The following FADS6 variants were observed in gnomAD, a reference collection of about 807,000 sequenced individuals.
FADS6 encodes fatty acid desaturase domain family, member 6.
FADS6 carries 28 observed loss-of-function variants against 31.7 expected under a neutral mutation model. The observed-to-expected ratio is 0.88, with a 90% confidence interval of 0.66 to 1.21. The LOEUF is 1.21. Among genes scored for constraint, FADS6 ranks in the 50% most tolerant of loss-of-function variants. The pLI is 0.00. For synonymous variants in FADS6, 191 were observed against 213.1 expected (o/e 0.90, Z 0.90); for missense variants, 494 against 504.2 (o/e 0.98, Z 0.19).
At chr17:74,881,404 T>G (rs1598555268) in intron 3 of FADS6, 149 bp from the exon 4 acceptor site, 1 of 771,094 alleles carries the variant, frequency 1.3e-6, no homozygotes, top group Non-Finnish European at 2.0e-6. Context: ...ATTGTGTGGA[T>G]GAAGAAACAG....
chr17:74,892,420 C>G (rs568586933), intron 2 of FADS6, 103 bp downstream of exon 2: 1 of 1,404,458 alleles, frequency 7.1e-7, no homozygotes, highest in Non-Finnish European at 9.6e-7. Flanking sequence ...GGCCTGCCCC[C>G]GTGGGCACAT....
At chr17:74,889,267 C>T (rs542922813) in intron 2 of FADS6, among the ~76,000 whole-genome samples, 2 of 152,262 alleles carry the variant, frequency 1.3e-5, no homozygotes, top group East Asian at 3.9e-4. Context: ...AAAAGGAGCC[C>T]AGGGCCTATG....
At chr17:74,888,126 C>G (rs2038643390) in intron 2 of FADS6, among the ~76,000 whole-genome samples, 1 of 127,986 alleles carries the variant, frequency 7.8e-6, no homozygotes. Flanking sequence ...AGCTGAGACA[C>G]CACACACACA....
intron 3 of FADS6, 68 bp from the exon 4 acceptor site, chr17:74,881,323 T>C (rs1403040299): frequency 6.9e-7 from 1 of 1,452,876 alleles, no homozygotes; most frequent in Non-Finnish European, 9.2e-7. Context: ...GGCTCAAGCG[T>C]GCTAAAGCAG....
At chr17:74,884,715 T>TTTTC (rs150082187) in intron 2 of FADS6, among the ~76,000 whole-genome samples, 119,767 of 151,350 alleles carry the variant, frequency 0.79, 47,940 homozygotes, top group African/African-American at 0.91. Context: ...GACCAGATCC[T>TTTTC]TTTTCTTTTT....
At position 74,877,622 on chromosome 17, in the gene FADS6, C is replaced by T. The variant is rs2038519376; in HGVS notation, c.*709G>A. 1.9e-5 allele frequency: 18 copies of T among 936,508 alleles called. No individual in the cohort carries two copies. The South Asian group carries it at 5.9e-4, about 31-fold the overall frequency. The allele number at this position is 936,508 out of a possible 1,614,324, so 58.0% of individuals were successfully genotyped here. On this transcript the variant is annotated 3_prime_UTR_variant, in exon 6 of 6. Transcript: ENST00000612771. ...TGCTGGGATTACAGGCATGAGCCAC[C>T]GCCCCTGGCTGGCTATTTATACTCT...
chr17:74,889,870 CAAAAAA>C (rs59381032), intron 2 of FADS6, among the ~76,000 whole-genome samples: 3 of 53,528 alleles, frequency 5.6e-5, no homozygotes, highest in Non-Finnish European at 9.8e-5. Context: ...GACTCAGTCT[CAAAAAA>C]AAAAAAAAAA....
downstream of FADS6, among the ~76,000 whole-genome samples, chr17:74,874,952 A>G (rs1567922573): frequency 6.6e-6 from 1 of 152,008 alleles, no homozygotes; most frequent in East Asian, 1.9e-4. Flanking sequence ...GAGTTTGACC[A>G]CCCCTGCACT....
In FADS6 at chr17:74,878,015, C is replaced by T; in HGVS notation, c.*316G>A. On this transcript the variant is annotated 3_prime_UTR_variant, in exon 6 of 6. Coordinates refer to ENST00000612771, the MANE Select transcript of FADS6 (RefSeq NM_178128.6). ...TCTTCACCCTGTCACCTCCCTTTAA[C>T]CCTACCAAGGCTCAGATGGAGCAGG... 9.0e-7 allele frequency: 1 copy of T among 1,114,268 alleles called. No individual in the cohort carries two copies. The highest frequency in any genetic ancestry group is 1.1e-6 in the Non-Finnish European group (1 of 910,952). The allele number at this position is 1,114,268 out of a possible 1,614,324, so 69.0% of individuals were successfully genotyped here. A position where few individuals can be genotyped will look rare whatever the true frequency, so the allele number is the denominator to read the frequency against.
Position 74,879,597 on chromosome 17 carries a change from G to T in FADS6, c.781-14C>A, listed in dbSNP as rs116982675. 1.2e-6 allele frequency: 2 copies of T among 1,605,526 alleles called. No homozygotes were observed. Among genetic ancestry groups the T allele is most frequent in the South Asian group, 2.2e-5 (2 of 90,448 alleles). On this transcript the variant is annotated splice_polypyrimidine_tract_variant and intron_variant, in intron 4 of 5. Coordinates refer to ENST00000612771, the MANE Select transcript of FADS6 (RefSeq NM_178128.6). ...CAGTCCGATGTGCTGTGACAGACAC[G>T]TGGGTCACGCCGGGCAGCCTGGACC...
intron 1 of FADS6, among the ~76,000 whole-genome samples, chr17:74,893,022 A>G (rs1441446037): frequency 6.6e-6 from 1 of 151,896 alleles, no homozygotes; most frequent in African/African-American, 2.4e-5. Flanking sequence ...CTAGGTCCCC[A>G]AAGAACACCG....
At chr17:74,878,618 G>A in intron 5 of FADS6, 141 bp from the exon 6 acceptor site, 4 of 1,027,932 alleles carry the variant, frequency 3.9e-6, no homozygotes, top group Non-Finnish European at 4.2e-6. Context: ...GGAGCAGAAG[G>A]GCTTAAGTCA....
intron 2 of FADS6, among the ~76,000 whole-genome samples, chr17:74,888,147 C>CGCGCGCGCGG (rs1567928512): frequency 2.1e-5 from 2 of 93,974 alleles, no homozygotes; most frequent in Non-Finnish European, 4.1e-5. Flanking sequence ...CACACACACA[C>CGCGCGCGCGG]ACACACACGC....
intron 2 of FADS6, among the ~76,000 whole-genome samples, chr17:74,886,136 G>A (rs1200966953): frequency 1.3e-5 from 2 of 152,158 alleles, no homozygotes; most frequent in East Asian, 1.9e-4. Flanking sequence ...CTACTTGGGA[G>A]GCTGAGGCAG....
At chr17:74,878,992 C>T in intron 5 of FADS6, 1 of 201,950 alleles carries the variant, frequency 5.0e-6, no homozygotes, top group South Asian at 8.6e-5. Context: ...AGTTGGGGGA[C>T]TTGGAGTTCA....
chr17:74,879,692 T>TGGGAG, intron 4 of FADS6, 109 bp from the exon 5 acceptor site: 2 of 1,168,050 alleles, frequency 1.7e-6, no homozygotes, highest in Non-Finnish European at 2.4e-6. Flanking sequence ...CCACCTCCCA[T>TGGGAG]GTGGGGGGAC....
intron 1 of FADS6, 43 bp downstream of exon 1, chr17:74,893,309 C>T (rs1457774617): frequency 2.0e-6 from 3 of 1,486,516 alleles, no homozygotes; most frequent in Non-Finnish European, 2.7e-6. Context: ...ACCCCGCCCC[C>T]ACCCGCAGCC....
rs1400478845 is a variant in FADS6, at chr17:74,878,400, C to G, written c.1038G>C (p.Gln346His). The change falls in exon 6 of 6, where the codon CAG becomes CAC. Residue 346 changes from glutamine (Q) to histidine (H), a missense_variant. By Grantham distance (24) the Gln-to-His change is conservative (BLOSUM62 0). Coordinates refer to ENST00000612771, the MANE Select transcript of FADS6 (RefSeq NM_178128.6). ...ATTCCTCATAGCGACGGAGAAACAG[C>G]TGGAAGCGAGCCAGGTATGAGTCCT... Reference protein sequence around the residue: ...YNEDSYLARFQLFLRRYEEFM... With the variant: ...YNEDSYLARFHLFLRRYEEFM... The G allele has an allele frequency of 6.2e-7, 1 of 1,613,914 alleles. No individual in the cohort carries two copies. Among genetic ancestry groups the G allele is most frequent in the Non-Finnish European group, 8.5e-7 (1 of 1,179,900 alleles).
At chr17:74,883,525 G>A (rs1023594687) in intron 2 of FADS6, among the ~76,000 whole-genome samples, 4 of 152,292 alleles carry the variant, frequency 2.6e-5, no homozygotes, top group South Asian at 2.1e-4. Flanking sequence ...AAAGGACAGC[G>A]GAACACCCCC....
Sources: gnomAD v4.1 joint callset for allele counts (sites outside exome capture counted in the v4.1 genomes callset) on GRCh38, gnomAD v4.1.1 for gene constraint, MANE v1.5 for transcripts, NCBI Gene and HGNC (gene_info 2026-07-23, HGNC 2026-07-21) for gene names.